The following LARP4B variants were observed in gnomAD, a reference collection of about 807,000 sequenced individuals.
LARP4B encodes the protein La ribonucleoprotein 4B.
In LARP4B, 12 loss-of-function variants were observed where a neutral mutation model predicts 89.8. The observed-to-expected ratio is 0.13, with a 90% CI of 0.09 to 0.22. The LOEUF is 0.22. LARP4B is among the 10% of genes least tolerant of loss of function. The pLI is 1.00. For synonymous variants in LARP4B, 367 were observed against 363.3 expected, an observed-to-expected ratio of 1.01 and a Z score of -0.12; for missense variants, 757 against 947.7, an observed-to-expected ratio of 0.80 and a Z score of 2.64.
At chr10:840,385 C>T (rs1041657675) in intron 7 of LARP4B, among the ~76,000 whole-genome samples, 2 of 152,172 alleles carry the variant, frequency 1.3e-5, no homozygotes, top group Non-Finnish European at 2.9e-5. Flanking sequence ...TCTGAACCCA[C>T]AAAAATTCCT....
At chr10:834,933 G>A (rs754715471) in intron 8 of LARP4B, among the ~76,000 whole-genome samples, 20 of 151,838 alleles carry the variant, frequency 1.3e-4, no homozygotes, top group Admixed American at 2.6e-4. Flanking sequence ...CCAGCTACTC[G>A]GGAGGCTGAG....
chr10:953,768 T>G, the LARP4B span, among the ~76,000 whole-genome samples: 1 of 152,220 alleles, frequency 6.6e-6, no homozygotes, highest in East Asian at 1.9e-4. Flanking sequence ...GCTAGAAGCA[T>G]GAAGAGACGC....
intron 8 of LARP4B, among the ~76,000 whole-genome samples, chr10:831,327 G>A (rs2131667237): frequency 6.9e-6 from 1 of 144,512 alleles, no homozygotes; most frequent in East Asian, 2.0e-4. Context: ...AAATTTGCTT[G>A]GACTTTTGCT....
intron 1 of LARP4B, among the ~76,000 whole-genome samples, 181 bp downstream of exon 1, chr10:931,247 G>A (rs1293454641): frequency 6.9e-6 from 1 of 144,778 alleles, no homozygotes; most frequent in African/African-American, 2.5e-5. Flanking sequence ...CCGTGCCCTA[G>A]CCCCGGTCCT....
upstream of LARP4B, among the ~76,000 whole-genome samples, chr10:933,368 A>G (rs866166024): frequency 1.2e-4 from 19 of 152,084 alleles, no homozygotes; most frequent in African/African-American, 3.9e-4. Context: ...CGGGCCCCCA[A>G]AATCTGGGAT....
intron 1 of LARP4B, among the ~76,000 whole-genome samples, chr10:920,395 A>G (rs1836946599): frequency 6.6e-6 from 1 of 152,278 alleles, no homozygotes. Flanking sequence ...TTGACAAAAT[A>G]ACGTAGAACA....
chr10:865,811 G>A (rs1037190361), intron 3 of LARP4B, among the ~76,000 whole-genome samples: 5 of 152,180 alleles, frequency 3.3e-5, no homozygotes, highest in Non-Finnish European at 4.4e-5. Context: ...CACAGTGCAG[G>A]AAGTCAAAGC....
chr10:827,580 A>G (rs1392467898), intron 11 of LARP4B, among the ~76,000 whole-genome samples: 1 of 152,226 alleles, frequency 6.6e-6, no homozygotes, highest in Non-Finnish European at 1.5e-5. Context: ...GGAGAGCCCC[A>G]GTATCACAGA....
intron 14 of LARP4B, chr10:820,564 A>G (rs1832300600): frequency 6.1e-6 from 3 of 487,890 alleles, no homozygotes; most frequent in East Asian, 6.8e-5. Flanking sequence ...GTGCCACAGC[A>G]CAACACGCCT....
intron 1 of LARP4B, among the ~76,000 whole-genome samples, chr10:888,084 C>T (rs1486671324): frequency 6.6e-6 from 1 of 151,872 alleles, no homozygotes; most frequent in Non-Finnish European, 1.5e-5. Context: ...CTTTGGGAGG[C>T]CAAGGCAGGT....
chr10:942,281 G>C, the LARP4B span: 1 of 152,314 alleles, frequency 6.6e-6, no homozygotes, highest in African/African-American at 2.4e-5. Flanking sequence ...GTGTTGTAGG[G>C]AACCGGAAGA....
At chr10:855,845 G>A (rs905843820) in intron 5 of LARP4B, among the ~76,000 whole-genome samples, 10 of 152,214 alleles carry the variant, frequency 6.6e-5, no homozygotes, top group African/African-American at 2.4e-4. Flanking sequence ...GACAATCCAA[G>A]CAGTGCACTA....
chr10:869,354 G>A (rs964985203), intron 3 of LARP4B, among the ~76,000 whole-genome samples: 1 of 152,046 alleles, frequency 6.6e-6, no homozygotes. Flanking sequence ...TGACAACACT[G>A]CGGCCAGGAA....
intron 3 of LARP4B, chr10:869,968 C>T (rs1192001140): frequency 2.6e-6 from 1 of 382,098 alleles, no homozygotes; most frequent in Non-Finnish European, 3.6e-6. Context: ...ATGTATAGCC[C>T]AGCATACCGC....
chr10:981,847 T>C, the LARP4B span, among the ~76,000 whole-genome samples: 5 of 152,150 alleles, frequency 3.3e-5, no homozygotes, highest in African/African-American at 1.2e-4. Flanking sequence ...ATTACAGGCA[T>C]GAGCCACCGC....
In LARP4B at chr10:817,748, T is replaced by C; in HGVS notation, c.1672A>G (p.Ile558Val). Residue 558 changes from isoleucine (I) to valine (V), a missense_variant, in exon 15 of 18, where the codon ATA becomes GTA. Coordinates refer to ENST00000316157, the MANE Select transcript of LARP4B (RefSeq NM_015155.3). ...DLFENRLSSL[I>V]IGPSKERTLS... ...ACCCTTTCTTTGGATGGTCCTATTA[T>C]CAAGCTAGATAGCCTGTTTTCAAAC... 6.2e-7 allele frequency: 1 copy of C among 1,614,198 alleles called. No homozygotes were observed. Among genetic ancestry groups the C allele is most frequent in the Non-Finnish European group, 8.5e-7 (1 of 1,180,022 alleles).
At chr10:906,845 C>A (rs1836506276) in intron 1 of LARP4B, among the ~76,000 whole-genome samples, 1 of 152,192 alleles carries the variant, frequency 6.6e-6, no homozygotes, top group South Asian at 2.1e-4. Context: ...GTTTCTATCC[C>A]TGTCATGAAA....
At chr10:823,091 G>A (rs1046928447) in intron 13 of LARP4B, among the ~76,000 whole-genome samples, 3 of 152,228 alleles carry the variant, frequency 2.0e-5, no homozygotes, top group Non-Finnish European at 4.4e-5. Flanking sequence ...ACAGAGGGAA[G>A]GAGGAGGTTA....
At chr10:816,336 C>T (rs914570191) in intron 15 of LARP4B, among the ~76,000 whole-genome samples, 1 of 152,230 alleles carries the variant, frequency 6.6e-6, no homozygotes, top group Non-Finnish European at 1.5e-5. Flanking sequence ...CCATCACGAG[C>T]TCCATGTCAA....
Sources: gnomAD v4.1 joint callset for allele counts (sites outside exome capture counted in the v4.1 genomes callset) on GRCh38, gnomAD v4.1.1 for gene constraint, MANE v1.5 for transcripts, NCBI Gene and HGNC (gene_info 2026-07-23, HGNC 2026-07-21) for gene names.